Variants in GNAZ observed in about 807,000 individuals in gnomAD.
GNAZ encodes the protein G protein subunit alpha z.
In GNAZ, 3 loss-of-function variants were observed where a neutral mutation model predicts 25.4. The ratio of observed to expected loss-of-function variants is 0.12; its 90% CI spans 0.05 to 0.30. The LOEUF is 0.30. Ranked by LOEUF, GNAZ falls within the 10% of genes least tolerant of loss-of-function variation. GNAZ has a pLI of 1.00. For missense variants in GNAZ, 241 were observed against 501.8 expected (o/e 0.48, Z 4.97); for synonymous variants, 211 against 205.7 (o/e 1.03, Z -0.22).
At chr22:23,119,131 G>A (rs1221730395) in intron 2 of GNAZ, among the ~76,000 whole-genome samples, 7 of 152,338 alleles carry the variant, frequency 4.6e-5, no homozygotes, top group African/African-American at 1.7e-4. Flanking sequence ...TTTCAGTGGT[G>A]GTGATTTGAG....
chr22:23,107,123 G>C (rs953653311), intron 2 of GNAZ, among the ~76,000 whole-genome samples: 4 of 152,238 alleles, frequency 2.6e-5, no homozygotes, highest in African/African-American at 9.6e-5. Flanking sequence ...AACAGCCCTT[G>C]CTGTTTGAGG....
intron 2 of GNAZ, among the ~76,000 whole-genome samples, chr22:23,105,434 C>T (rs1270978168): frequency 6.6e-6 from 1 of 152,264 alleles, no homozygotes; most frequent in Non-Finnish European, 1.5e-5. Flanking sequence ...TTTCTCATGT[C>T]CCTCCCAGGA....
intron 2 of GNAZ, among the ~76,000 whole-genome samples, chr22:23,108,979 T>C (rs2069564845): frequency 6.6e-6 from 1 of 152,066 alleles, no homozygotes; most frequent in African/African-American, 2.4e-5. Flanking sequence ...AGAGGAAAGG[T>C]GCTAGGAAGA....
intron 2 of GNAZ, among the ~76,000 whole-genome samples, chr22:23,112,159 C>G (rs1462589126): frequency 6.6e-6 from 1 of 152,194 alleles, no homozygotes; most frequent in Non-Finnish European, 1.5e-5. Flanking sequence ...GCTGCCTGAC[C>G]TCCGGGCCTC....
At position 23,095,588 on chromosome 22, in the gene GNAZ, G is replaced by T; in HGVS notation, c.-108G>T. 1 of 1,261,314 alleles carries T rather than the reference G, an allele frequency of 7.9e-7. No homozygotes were observed. The highest frequency in any genetic ancestry group is 1.1e-6 in the Non-Finnish European group (1 of 923,554). The allele number at this position is 1,261,314 out of a possible 1,614,324, so 78.1% of individuals were successfully genotyped here. On this transcript the variant is annotated 5_prime_UTR_variant, in exon 2 of 3. Coordinates refer to ENST00000615612, the MANE Select transcript of GNAZ (RefSeq NM_002073.4). ...CCTCACCCCCCTGCTGGCACTGAGT[G>T]CCTCCAGGGCAGCTGGGCTCTTGTC... is the stretch of plus-strand genomic sequence containing the variant.
chr22:23,093,393 T>C (rs2057389851), intron 1 of GNAZ, among the ~76,000 whole-genome samples: 1 of 152,206 alleles, frequency 6.6e-6, no homozygotes, highest in East Asian at 1.9e-4. Context: ...ACACCCACTG[T>C]GCACTGGGCA....
intron 1 of GNAZ, among the ~76,000 whole-genome samples, chr22:23,090,514 C>T (rs368400505): frequency 1.2e-4 from 19 of 152,180 alleles, no homozygotes; most frequent in African/African-American, 4.1e-4. Context: ...CTCACCCAAA[C>T]CCTGGCTGGC....
rs1483594421 is a variant in GNAZ, at chr22:23,085,994, G to A, written c.-449-9253G>A. Among the ~76,000 whole-genome samples, 4 of 152,268 alleles carry A rather than the reference G, an allele frequency of 2.6e-5. No homozygotes were observed. In the East Asian group the frequency reaches 7.7e-4, roughly 29 times the overall value. On this transcript the variant is annotated intron_variant, in intron 1 of 2. Coordinates refer to ENST00000615612, the MANE Select transcript of GNAZ (RefSeq NM_002073.4). The stretch of plus-strand genomic sequence containing the variant: ...TGTTTAAGCAACAGCCAGTGGCCTT[G>A]CCTGGCCCCTCGGCAGGGTCCCGCC...
intron 2 of GNAZ, among the ~76,000 whole-genome samples, chr22:23,122,178 T>C (rs1174291070): frequency 6.6e-6 from 1 of 152,218 alleles, no homozygotes; most frequent in Non-Finnish European, 1.5e-5. Context: ...AGTTAGAATT[T>C]ATTCATTTTG....
chr22:23,083,627 C>T (rs910414503), intron 1 of GNAZ, among the ~76,000 whole-genome samples: 2 of 152,048 alleles, frequency 1.3e-5, no homozygotes, highest in African/African-American at 4.8e-5. Context: ...CCTGGGGAAA[C>T]CACACACAAG....
At chr22:23,107,830 A>C (rs535849072) in intron 2 of GNAZ, among the ~76,000 whole-genome samples, 1 of 152,192 alleles carries the variant, frequency 6.6e-6, no homozygotes, top group East Asian at 1.9e-4. Flanking sequence ...CTGCTTATCA[A>C]ATGCCTCTTC....
At chr22:23,109,253 G>T (rs763740388) in intron 2 of GNAZ, among the ~76,000 whole-genome samples, 25 of 152,302 alleles carry the variant, frequency 1.6e-4, no homozygotes, top group Non-Finnish European at 3.1e-4. Flanking sequence ...AGTGAGCCTG[G>T]CAGCAGAGCC....
At position 23,122,047 on chromosome 22, in the gene GNAZ, C is replaced by T. The variant is rs561707644; in HGVS notation, c.724-1040C>T. 2.0e-5 allele frequency among the ~76,000 whole-genome samples: 3 copies of T among 152,246 alleles called. No homozygotes were observed. The South Asian group carries it at 6.2e-4, about 32-fold the overall frequency. ...CGCCTGGCCAGAAAAGTTCTTAAAT[C>T]CAAAGCATCAGATCTAAGCCAGATT... On this transcript the variant is annotated intron_variant, in intron 2 of 2. Coordinates refer to ENST00000615612, the MANE Select transcript of GNAZ (RefSeq NM_002073.4).
rs2070089709 is a variant in GNAZ at position 23,123,476 on chromosome 22, G to A, written c.*45G>A. Reference sequence around the variant, plus strand: ...GCCTGCCTATGGTGAAACCCACGGGGTGTCATGCCCCAACGCGTGCTAGAG... The same window carrying A: ...GCCTGCCTATGGTGAAACCCACGGGATGTCATGCCCCAACGCGTGCTAGAG... On this transcript the variant is annotated 3_prime_UTR_variant, in exon 3 of 3. Transcript: ENST00000615612. 3 of 1,336,106 alleles carry A rather than the reference G, an allele frequency of 2.2e-6. No individual in the cohort carries two copies. The highest frequency in any genetic ancestry group is 1.4e-5 in the African/African-American group (1 of 69,098). The allele number at this position is 1,336,106 out of a possible 1,614,324, so 82.8% of individuals were successfully genotyped here.
chr22:23,100,890 T>C (rs2069283657), intron 2 of GNAZ, among the ~76,000 whole-genome samples: 1 of 152,228 alleles, frequency 6.6e-6, no homozygotes, highest in Non-Finnish European at 1.5e-5. Flanking sequence ...AAGGCCGTCC[T>C]GTGAACACAG....
chr22:23,080,570 C>A lies in GNAZ; in HGVS notation c.-450+10000C>A, dbSNP rs144366893. ...AGGAGGACCTGTTTCTAAGGTGAGACCCGTTGCGGATCTGCAGGTGCAAGG... is the reference window on the plus strand; with the variant it reads ...AGGAGGACCTGTTTCTAAGGTGAGAACCGTTGCGGATCTGCAGGTGCAAGG... On this transcript the variant is annotated intron_variant, in intron 1 of 2. Transcript: ENST00000615612. 8.1e-4 allele frequency among the ~76,000 whole-genome samples: 123 copies of A among 152,298 alleles called. 3 individuals are homozygous for A. The East Asian group carries it at 0.022, about 28-fold the overall frequency.
intron 2 of GNAZ, among the ~76,000 whole-genome samples, chr22:23,100,177 A>T (rs1431765797): frequency 1.3e-5 from 2 of 152,184 alleles, no homozygotes; most frequent in Non-Finnish European, 2.9e-5. Flanking sequence ...CCAGCAGCAC[A>T]GGGAACTGGG....
intron 2 of GNAZ, among the ~76,000 whole-genome samples, chr22:23,110,437 C>T (rs1199787669): frequency 1.3e-5 from 2 of 152,206 alleles, no homozygotes; most frequent in Non-Finnish European, 2.9e-5. Context: ...CCATGGTGCT[C>T]CAGCCAGGAA....
At chr22:23,123,065 G>C (rs754619376) in intron 2 of GNAZ, 22 bp from the exon 3 acceptor site, 3 of 1,541,416 alleles carry the variant, frequency 1.9e-6, no homozygotes, top group Non-Finnish European at 2.7e-6. Flanking sequence ...CCTGATTAAC[G>C]CCAGTACTTT....
Sources: allele counts gnomAD v4.1 joint callset (sites outside exome capture counted in the v4.1 genomes callset), GRCh38; gene constraint gnomAD v4.1.1; transcripts MANE v1.5; gene names NCBI Gene and HGNC (gene_info 2026-07-23, HGNC 2026-07-21).